Variants in ASIC2 observed in about 807,000 individuals in gnomAD.
The protein encoded by ASIC2 is acid-sensing ion channel 2.
In ASIC2, 25 loss-of-function variants were observed where a neutral mutation model predicts 57.3. The ratio of observed to expected loss-of-function variants is 0.44; its 90% CI spans 0.32 to 0.61. The LOEUF is 0.61. Ranked by LOEUF, ASIC2 falls within the 20% of genes least tolerant of loss-of-function variation. The pLI is 0.06. For missense variants in ASIC2, 641 were observed against 738.1 expected (o/e 0.87, Z 1.52); for synonymous variants, 319 against 307.5 (o/e 1.04, Z -0.39).
At chr17:33,379,839 T>C (rs8072171) in intron 1 of ASIC2, among the ~76,000 whole-genome samples, 66,646 of 152,164 alleles carry the variant, frequency 0.44, 16,131 homozygotes, top group African/African-American at 0.65. Flanking sequence ...CCAAGCTCAC[T>C]CTATTCCATG....
At chr17:34,080,634 G>A (rs187817949) in intron 1 of ASIC2, among the ~76,000 whole-genome samples, 1 of 152,340 alleles carries the variant, frequency 6.6e-6, no homozygotes, top group East Asian at 1.9e-4. Flanking sequence ...TAGGTGAAGG[G>A]AGAGTCTTGC....
At chr17:33,164,158 A>G (rs1905239518) in intron 1 of ASIC2, among the ~76,000 whole-genome samples, 1 of 152,144 alleles carries the variant, frequency 6.6e-6, no homozygotes, top group Admixed American at 6.5e-5. Context: ...TTCTTGCCCT[A>G]CCTGGGGCTG....
At chr17:33,853,726 C>T (rs1913838886) in intron 1 of ASIC2, among the ~76,000 whole-genome samples, 1 of 152,148 alleles carries the variant, frequency 6.6e-6, no homozygotes, top group Non-Finnish European at 1.5e-5. Context: ...CAGAACTCAC[C>T]CACATTTGTA....
rs182991317 is a variant in ASIC2, at chr17:34,036,487, C to T, written c.555+119491G>A. Among the ~76,000 whole-genome samples the T allele has an allele frequency of 6.2e-4, 94 of 150,936 alleles. 1 individual carries two copies. In the East Asian group the frequency reaches 0.016, roughly 26 times the overall value. ...TGTATACATATGTAACAAACCTGCA[C>T]GTTGTGCACACGTACCCTAAAACTT... On this transcript the variant is annotated intron_variant, in intron 1 of 9. Transcript: ENST00000359872.
chr17:33,257,575 C>T (rs1263035041), intron 1 of ASIC2, among the ~76,000 whole-genome samples: 1 of 152,220 alleles, frequency 6.6e-6, no homozygotes, highest in Non-Finnish European at 1.5e-5. Flanking sequence ...CCCCTGTGCA[C>T]GTTCTTCTGC....
chr17:33,506,019 T>G (rs978603437), intron 1 of ASIC2, among the ~76,000 whole-genome samples: 2 of 152,184 alleles, frequency 1.3e-5, no homozygotes, highest in Non-Finnish European at 1.5e-5. Context: ...GAGATGGACA[T>G]GAATATCAAG....
intron 1 of ASIC2, among the ~76,000 whole-genome samples, chr17:34,099,162 G>GAGAAAGAAAGAAAGAA (rs759417669): frequency 2.4e-5 from 1 of 41,968 alleles, no homozygotes; most frequent in African/African-American, 7.3e-5. Flanking sequence ...GAGAGAGAGA[G>GAGAAAGAAAGAAAGAA]AGAAAGAAAG....
intron 1 of ASIC2, among the ~76,000 whole-genome samples, chr17:34,079,653 C>T (rs1036976957): frequency 2.6e-5 from 4 of 152,138 alleles, no homozygotes; most frequent in African/African-American, 9.7e-5. Flanking sequence ...GGACTGACAC[C>T]CAAATAGGTG....
chr17:33,420,063 T>C (rs1340595522), intron 1 of ASIC2, among the ~76,000 whole-genome samples: 1 of 152,236 alleles, frequency 6.6e-6, no homozygotes, highest in Non-Finnish European at 1.5e-5. Flanking sequence ...TTTTTTCATA[T>C]GCCGTTTCAT....
intron 1 of ASIC2, among the ~76,000 whole-genome samples, chr17:33,121,426 G>C (rs1216565447): frequency 6.6e-6 from 1 of 152,028 alleles, no homozygotes; most frequent in Non-Finnish European, 1.5e-5. Flanking sequence ...GGGCAGTGAT[G>C]GGGGGATGGT....
chr17:34,024,821 G>A (rs1907314791), intron 1 of ASIC2, among the ~76,000 whole-genome samples: 1 of 152,190 alleles, frequency 6.6e-6, no homozygotes, highest in Non-Finnish European at 1.5e-5. Flanking sequence ...CACCTGGATA[G>A]GACAGGGTTT....
chr17:33,654,280 G>C (rs909841279), intron 1 of ASIC2, among the ~76,000 whole-genome samples: 8 of 152,230 alleles, frequency 5.3e-5, no homozygotes, highest in African/African-American at 1.9e-4. Flanking sequence ...CAGAGGTCAA[G>C]AGGAGACCAA....
chr17:33,590,972 G>A (rs55909109), intron 1 of ASIC2, among the ~76,000 whole-genome samples: 15,385 of 152,208 alleles, frequency 0.1, 1,067 homozygotes, highest in East Asian at 0.3. Context: ...TGGGGGTAGA[G>A]AAGCCCAAGA....
At chr17:33,894,342 CGTGCGTGCGTGTGTGTGTGTGT>C (rs771032852) in intron 1 of ASIC2, among the ~76,000 whole-genome samples, 18,697 of 65,002 alleles carry the variant, frequency 0.29, 1,207 homozygotes, top group South Asian at 0.39. Context: ...TGCGTGCGTG[CGTGCGTGCGTGTGTGTGTGTGT>C]GTGTGTGTGT....
chr17:33,149,646 T>C (rs1904705353), intron 1 of ASIC2, among the ~76,000 whole-genome samples: 1 of 152,210 alleles, frequency 6.6e-6, no homozygotes, highest in African/African-American at 2.4e-5. Flanking sequence ...ATTTATTGCA[T>C]GAGTGTCTTT....
At chr17:34,142,806 A>G (rs1206242701) in intron 1 of ASIC2, 1 of 152,206 alleles carries the variant, frequency 6.6e-6, no homozygotes, top group Non-Finnish European at 1.5e-5. Flanking sequence ...GAGATTTAAA[A>G]TGGAGAAGTG....
chr17:33,437,107 T>C (rs36019195), intron 1 of ASIC2, among the ~76,000 whole-genome samples: 112,996 of 150,846 alleles, frequency 0.75, 42,602 homozygotes, highest in Middle Eastern at 0.79. Context: ...CCTCGTGATC[T>C]GCCCGCCTCG....
At chr17:33,977,308 T>C (rs535082379) in intron 1 of ASIC2, among the ~76,000 whole-genome samples, 3 of 152,300 alleles carry the variant, frequency 2.0e-5, no homozygotes, top group African/African-American at 7.2e-5. Context: ...TGCTGAATAA[T>C]GAAACCTCCC....
At chr17:33,650,402 C>A (rs1344523792) in intron 1 of ASIC2, among the ~76,000 whole-genome samples, 1 of 152,172 alleles carries the variant, frequency 6.6e-6, no homozygotes, top group Non-Finnish European at 1.5e-5. Context: ...AATGACACAG[C>A]TACCCTGGAA....
Sources: gnomAD v4.1 joint callset for allele counts (sites outside exome capture counted in the v4.1 genomes callset) on GRCh38, gnomAD v4.1.1 for gene constraint, MANE v1.5 for transcripts, NCBI Gene and HGNC (gene_info 2026-07-23, HGNC 2026-07-21) for gene names.